Variants in SHC1 observed in about 807,000 individuals in gnomAD.
SHC1 encodes the protein SHC adaptor protein 1.
SHC1 carries 30 observed loss-of-function variants against 55.9 expected under a neutral mutation model. That is an observed-to-expected ratio of 0.54 (90% CI 0.40 to 0.73). The LOEUF (loss-of-function observed/expected upper bound fraction) is 0.73, where lower values mean the gene tolerates loss of function less well. Ranked by LOEUF, SHC1 falls within the 30% of genes least tolerant of loss-of-function variation. The pLI is 0.00. For missense variants in SHC1, 675 were observed against 777.1 expected (o/e 0.87, Z 1.56); for synonymous variants, 309 against 306.1 (o/e 1.01, Z -0.10).
upstream of SHC1, among the ~76,000 whole-genome samples, chr1:154,972,466 T>C (rs1049026875): frequency 6.6e-6 from 1 of 152,104 alleles, no homozygotes; most frequent in African/African-American, 2.4e-5. Context: ...TATCACTTCA[T>C]TTCCAGCCAG....
chr1:154,970,065 T>C lies in SHC1; in HGVS notation c.462A>G (p.Lys154=). 6.2e-7 allele frequency: 1 copy of C among 1,613,938 alleles called. No individual in the cohort carries two copies. Among genetic ancestry groups the C allele is most frequent in the Non-Finnish European group, 8.5e-7 (1 of 1,179,962 alleles). The change falls in exon 1 of 12, where the codon AAA becomes AAG. Residue 154 remains lysine (K), a synonymous_variant. Transcript: ENST00000448116. The surrounding 1 kb of genome is among the most constrained non-coding windows in gnomAD (Gnocchi z 5.5). The stretch of plus-strand genomic sequence containing the variant: ...AGTAGGAAACCCCGGGTCCCATGAC[T>C]TTGTCGTTGGGATGCAGCCAGCCCC... ...PTRGWLHPND[K]VMGPGVSYLV...
At chr1:154,969,926 G>T in intron 1 of SHC1, 106 bp downstream of exon 1, 1 of 1,228,162 alleles carries the variant, frequency 8.1e-7, no homozygotes, top group Non-Finnish European at 1.2e-6. Context: ...ACACTGAAAC[G>T]GGGTTGTTGG....
rs780262070 is a variant in SHC1, at chr1:154,966,368, C to G, written c.1133G>C (p.Arg378Pro). 1.2e-6 allele frequency: 2 copies of G among 1,614,080 alleles called. No individual in the cohort carries two copies. Among genetic ancestry groups the G allele is most frequent in the Non-Finnish European group, 1.7e-6 (2 of 1,179,988 alleles). The change falls in exon 8 of 12, where the codon CGA (arginine) becomes CCA (proline). Residue 378 changes from arginine (R) to proline (P), a missense_variant. Physicochemically the swap from Arg to Pro is moderately radical, Grantham distance 103. Transcript: ENST00000448116. The stretch of plus-strand genomic sequence containing the variant: ...GGTCTGGGCATTGGGTGCAGTGGGT[C>G]GAGCAGCCCCTGGAGCGGCTCCTTC... ...LREGAAPGAA[R>P]PTAPNAQTPS...
rs1346453694 is a variant in SHC1 at position 154,968,228 on chromosome 1, G to A, written c.780C>T (p.Ile260=). ...CCGGATCCCCGCCGGATGCAAATGAGATAGATTGCATGTGGTGGTTGGCGA... is the reference window on the plus strand; with the variant it reads ...CCGGATCCCCGCCGGATGCAAATGAAATAGATTGCATGTGGTGGTTGGCGA... ...QIIANHHMQS[I]SFASGGDPDT... The change falls in exon 5 of 12, where the codon ATC becomes ATT. Residue 260 remains isoleucine (I), a synonymous_variant. Transcript: ENST00000448116. The A allele has an allele frequency of 6.2e-7, 1 of 1,614,116 alleles. No individual in the cohort carries two copies.
At position 154,962,339 on chromosome 1, in the gene SHC1, A is replaced by G. The variant is rs1655425383; in HGVS notation, c.*1464T>C. On this transcript the variant is annotated 3_prime_UTR_variant, in exon 12 of 12. Transcript: ENST00000448116. The stretch of plus-strand genomic sequence containing the variant: ...TTTAATGAAGAGTTTTCCCTTTGGT[A>G]TAAGTGAGACCCGTGGAAACATCCA... 1 of 152,840 alleles carries G rather than the reference A, an allele frequency of 6.5e-6. No homozygotes were observed. Among genetic ancestry groups the G allele is most frequent in the African/African-American group, 2.4e-5 (1 of 41,458 alleles). The allele number at this position is 152,840 out of a possible 1,614,324, so 9.5% of individuals were successfully genotyped here.
chr1:154,970,372 T>C lies in SHC1; in HGVS notation c.155A>G (p.Asp52Gly). 1 of 1,604,188 alleles carries C rather than the reference T, an allele frequency of 6.2e-7. No homozygotes were observed. Among genetic ancestry groups the C allele is most frequent in the South Asian group, 1.1e-5 (1 of 89,608 alleles). Residue 52 changes from aspartate to glycine, a missense_variant, in exon 1 of 12, where the codon GAC (aspartate) becomes GGC (glycine). By Grantham distance (94) the Asp-to-Gly change is moderately conservative. Transcript: ENST00000448116. This position sits in a 1 kb window ranked among gnomAD's most constrained non-coding sequence, Gnocchi z 5.5. Reference sequence around the variant, plus strand: ...GGAGCACAGGGTAGTGGGACTATCGTCCCCAGGCAGAGGAGGCAGGATGGG... The same window carrying C: ...GGAGCACAGGGTAGTGGGACTATCGCCCCCAGGCAGAGGAGGCAGGATGGG... ...LGPILPPLPG[D>G]DSPTTLCSFF... is the part of the protein sequence containing the mutation.
intron 7 of SHC1, 68 bp from the exon 8 acceptor site, chr1:154,966,585 A>G: frequency 2.8e-6 from 3 of 1,074,026 alleles, no homozygotes; most frequent in Non-Finnish European, 4.0e-6. Context: ...AGGACAGAAT[A>G]GAACAGCAGC....
At chr1:154,973,982 A>T (rs1410559910), upstream of SHC1, among the ~76,000 whole-genome samples, 1 of 151,802 alleles carries the variant, frequency 6.6e-6, no homozygotes, top group Non-Finnish European at 1.5e-5. Flanking sequence ...GAATGGAAGG[A>T]GTAACGAAGG....
chr1:154,968,453 C>G, intron 4 of SHC1, 42 bp downstream of exon 4: 2 of 1,612,928 alleles, frequency 1.2e-6, no homozygotes, highest in Non-Finnish European at 1.7e-6. Flanking sequence ...CCCCTTAGCA[C>G]CCCCATCAGT....
At chr1:154,973,844 TG>T, upstream of SHC1, among the ~76,000 whole-genome samples, 1 of 152,232 alleles carries the variant, frequency 6.6e-6, no homozygotes, top group Middle Eastern at 3.4e-3. Flanking sequence ...GGAGGGGGCG[TG>T]GCTTCGGAGG....
At position 154,968,094 on chromosome 1, in the gene SHC1, C is replaced by T. The variant is rs996139810; in HGVS notation, c.805-63G>A. On this transcript the variant is annotated intron_variant, in intron 5 of 11. Transcript: ENST00000448116. ...TACTCCTGACCCCTAAAACCCAGTCCTTTTCAGATATCCCCACAATCCTAG... is the reference window on the plus strand; with the variant it reads ...TACTCCTGACCCCTAAAACCCAGTCTTTTTCAGATATCCCCACAATCCTAG... 10 of 1,598,236 alleles carry T rather than the reference C, an allele frequency of 6.3e-6. No individual in the cohort carries two copies. In the African/African-American group the frequency reaches 6.7e-5, roughly 11 times the overall value.
In SHC1 at chr1:154,962,456, C is replaced by CCCGGGCCTAGGCTGGG. The variant is rs1553249842; in HGVS notation, c.*1331_*1346dup. Reference sequence around the variant, plus strand: ...GGCCGGCTTGCTGTGGTGTGGCCACCCCGGGCCTAGGCTGGGCCGGGCCTG... The same window carrying CCCGGGCCTAGGCTGGG: ...GGCCGGCTTGCTGTGGTGTGGCCACCCCGGGCCTAGGCTGGGCCGGGCCTAGGCTGGGCCGGGCCTG... On this transcript the variant is annotated 3_prime_UTR_variant, in exon 12 of 12. Transcript: ENST00000448116. 6.6e-6 allele frequency: 1 copy of CCCGGGCCTAGGCTGGG among 152,600 alleles called. No individual in the cohort carries two copies. Among genetic ancestry groups the CCCGGGCCTAGGCTGGG allele is most frequent in the Non-Finnish European group, 1.5e-5 (1 of 68,032 alleles). 9.5% of individuals were successfully genotyped at this position (152,600 alleles called of 1,614,324 possible). A position where few individuals can be genotyped will look rare whatever the true frequency, so the allele number is the denominator to read the frequency against.
chr1:154,968,888 A>G, intron 2 of SHC1, 54 bp from the exon 3 acceptor site: 1 of 1,515,220 alleles, frequency 6.6e-7, no homozygotes. Flanking sequence ...CTCCCACTCA[A>G]CTGGGGCTGC....
At chr1:154,966,292 C>T in intron 8 of SHC1, 27 bp downstream of exon 8, 1 of 1,612,398 alleles carries the variant, frequency 6.2e-7, no homozygotes, top group South Asian at 1.1e-5. Context: ...ACCCTAGCCC[C>T]AGCCCGCCTC....
At chr1:154,971,325 GTGGTCCCAA>G (rs2102176031), upstream of SHC1, among the ~76,000 whole-genome samples, 1 of 152,298 alleles carries the variant, frequency 6.6e-6, no homozygotes, top group South Asian at 2.1e-4. Flanking sequence ...TGGGAAGTAA[GTGGTCCCAA>G]TGGATGCAGA....
intron 11 of SHC1, 42 bp downstream of exon 11, chr1:154,965,501 T>G (rs1655837024): frequency 6.2e-7 from 1 of 1,613,938 alleles, no homozygotes; most frequent in African/African-American, 1.3e-5. Flanking sequence ...GTACTGTACC[T>G]TCCTTTTTGC....
intron 3 of SHC1, 43 bp downstream of exon 3, chr1:154,968,728 C>CA: frequency 6.2e-7 from 1 of 1,611,208 alleles, no homozygotes; most frequent in Non-Finnish European, 8.5e-7. Context: ...ACTGCCCCTC[C>CA]ACATTTCCCA....
upstream of SHC1, among the ~76,000 whole-genome samples, chr1:154,972,571 G>A (rs16836580): frequency 0.047 from 7,178 of 152,262 alleles, 219 homozygotes; most frequent in Middle Eastern, 0.089. Flanking sequence ...CATCTGTAGA[G>A]ATGATGTTCT....
Position 154,962,426 on chromosome 1 carries a change from G to A in SHC1, c.*1377C>T, listed in dbSNP as rs181337922. ...CTCCCTTATCCACAAGGCCAAAAGA[G>A]GGGGGGCCGGCTTGCTGTGGTGTGG... On this transcript the variant is annotated 3_prime_UTR_variant, in exon 12 of 12. Coordinates refer to ENST00000448116, the MANE Select transcript of SHC1 (RefSeq NM_001130040.2). 2.6e-5 allele frequency: 4 copies of A among 152,670 alleles called. No individual in the cohort carries two copies. Among genetic ancestry groups the A allele is most frequent in the Non-Finnish European group, 4.4e-5 (3 of 68,034 alleles). 9.5% of individuals were successfully genotyped at this position (152,670 alleles called of 1,614,324 possible).
Sources: allele counts gnomAD v4.1 joint callset (sites outside exome capture counted in the v4.1 genomes callset), GRCh38; gene constraint gnomAD v4.1.1; non-coding constraint Gnocchi (gnomAD v3.1); transcripts MANE v1.5; gene names NCBI Gene and HGNC (gene_info 2026-07-23, HGNC 2026-07-21).